The following THSD4 variants were observed in gnomAD, a reference collection of about 807,000 sequenced individuals.
THSD4 encodes thrombospondin type 1 domain containing 4, also known as thrombospondin type-1 domain-containing protein 4.
A neutral mutation model predicts 119.0 loss-of-function variants in THSD4; 69 were observed. The observed-to-expected ratio is 0.58, with a 90% CI of 0.48 to 0.71. The LOEUF (loss-of-function observed/expected upper bound fraction) is 0.71, where lower values mean the gene tolerates loss of function less well. THSD4 is among the 30% of genes least tolerant of loss of function. THSD4 has a pLI of 0.00. For missense variants in THSD4, 1,393 were observed against 1,391.1 expected (o/e 1.00, Z -0.02); for synonymous variants, 524 against 540.4 (o/e 0.97, Z 0.42).
intron 7 of THSD4, among the ~76,000 whole-genome samples, chr15:71,524,321 C>T (rs34660045): frequency 0.13 from 20,122 of 152,186 alleles, 1,431 homozygotes; most frequent in East Asian, 0.25. Context: ...TTTAATAGTC[C>T]GTGCAACTGT....
intron 8 of THSD4, among the ~76,000 whole-genome samples, chr15:71,664,108 G>C (rs1002131463): frequency 6.6e-6 from 1 of 151,424 alleles, no homozygotes; most frequent in Non-Finnish European, 1.5e-5. Flanking sequence ...TCAGCCTCCC[G>C]AGTAGCTGGG....
At chr15:71,341,412 T>C (rs577773342) in intron 6 of THSD4, 3 of 1,612,636 alleles carry the variant, frequency 1.9e-6, no homozygotes, top group Non-Finnish European at 2.5e-6. Context: ...AGTTCAGCAT[T>C]ACTCTCTGCG....
At chr15:71,709,550 CAT>C (rs1177540888) in intron 8 of THSD4, among the ~76,000 whole-genome samples, 2 of 152,172 alleles carry the variant, frequency 1.3e-5, no homozygotes, top group Non-Finnish European at 1.5e-5. Context: ...AGCCGGATAA[CAT>C]GTGGCAGGAG....
intron 2 of THSD4, 151 bp from the exon 3 acceptor site, chr15:71,154,712 C>CA: frequency 1.3e-6 from 1 of 752,206 alleles, no homozygotes; most frequent in Non-Finnish European, 2.3e-6. Context: ...CCTTTGGGGC[C>CA]AACACTTTGT....
chr15:71,133,102 CAGG>C, intron 1 of THSD4, among the ~76,000 whole-genome samples: 1 of 152,298 alleles, frequency 6.6e-6, no homozygotes, highest in Admixed American at 6.5e-5. Context: ...AGCTATGACC[CAGG>C]GATTATAAAC....
chr15:71,590,340 C>G (rs1408803635), intron 7 of THSD4, among the ~76,000 whole-genome samples: 7 of 13,720 alleles, frequency 5.1e-4, no homozygotes, highest in African/African-American at 5.4e-4. Flanking sequence ...TGGACCTGGA[C>G]TAGGTTGATA....
intron 14 of THSD4, among the ~76,000 whole-genome samples, chr15:71,750,058 G>T (rs1055966866): frequency 1.3e-5 from 2 of 152,058 alleles, no homozygotes; most frequent in African/African-American, 4.8e-5. Context: ...GGTTCCCAGG[G>T]TCTCTGAGGC....
At chr15:71,356,759 C>A (rs926602837) in intron 6 of THSD4, among the ~76,000 whole-genome samples, 2 of 152,110 alleles carry the variant, frequency 1.3e-5, no homozygotes, top group African/African-American at 4.8e-5. Context: ...GAAGCCCTGC[C>A]TTAGGTCAGA....
At chr15:71,528,645 C>T (rs2048563567) in intron 7 of THSD4, among the ~76,000 whole-genome samples, 1 of 152,192 alleles carries the variant, frequency 6.6e-6, no homozygotes, top group African/African-American at 2.4e-5. Flanking sequence ...CCCTGCATCC[C>T]ATAATGTAAA....
intron 11 of THSD4, among the ~76,000 whole-genome samples, chr15:71,740,463 C>T (rs2053213029): frequency 6.6e-6 from 1 of 152,124 alleles, no homozygotes. Context: ...GCTGTCACTG[C>T]GTGGTTTTCA....
intron 6 of THSD4, among the ~76,000 whole-genome samples, chr15:71,320,613 A>G (rs1010869070): frequency 3.3e-5 from 5 of 152,238 alleles, no homozygotes; most frequent in African/African-American, 1.2e-4. Flanking sequence ...GTAGCCCAAG[A>G]AAGCCTGTTC....
chr15:71,378,107 C>T (rs879665252), intron 6 of THSD4, among the ~76,000 whole-genome samples: 2 of 152,044 alleles, frequency 1.3e-5, no homozygotes, highest in African/African-American at 4.8e-5. Flanking sequence ...ATAGCATTTA[C>T]GTTGTAGATA....
chr15:71,432,204 A>G (rs909181532), intron 7 of THSD4, among the ~76,000 whole-genome samples: 1 of 152,210 alleles, frequency 6.6e-6, no homozygotes, highest in African/African-American at 2.4e-5. Flanking sequence ...ATTTTAACAT[A>G]CTGAGTATGC....
chr15:71,734,924 C>G lies in THSD4; in HGVS notation c.1631-2808C>G, dbSNP rs548587534. On this transcript the variant is annotated intron_variant, in intron 10 of 17. Coordinates refer to ENST00000261862, the MANE Select transcript of THSD4 (RefSeq NM_024817.3). ...TGCCTAGCCCTTTTCTATGCATACA[C>G]AAACATGTTTCCAGCCATTTGAATC... Among the ~76,000 whole-genome samples the G allele has an allele frequency of 3.3e-5, 5 of 152,044 alleles. No individual in the cohort carries two copies. In the South Asian group the frequency reaches 8.3e-4, roughly 25 times the overall value.
At chr15:71,727,568 A>G (rs1481146105) in intron 8 of THSD4, among the ~76,000 whole-genome samples, 1 of 19,110 alleles carries the variant, frequency 5.2e-5, no homozygotes. Flanking sequence ...ATATATATAT[A>G]TATATATATA....
intron 6 of THSD4, among the ~76,000 whole-genome samples, chr15:71,272,796 G>A (rs142350908): frequency 9.9e-5 from 15 of 152,124 alleles, no homozygotes; most frequent in East Asian, 1.9e-4. Flanking sequence ...CCCGGGAGGC[G>A]GAGGTGGCAG....
chr15:71,239,842 A>T (rs895905969), intron 4 of THSD4, among the ~76,000 whole-genome samples: 5 of 152,226 alleles, frequency 3.3e-5, no homozygotes, highest in Non-Finnish European at 5.9e-5. Context: ...CAGACCCGTC[A>T]GGATTATTAG....
intron 7 of THSD4, among the ~76,000 whole-genome samples, chr15:71,459,160 CTTT>C (rs372209662): frequency 3.6e-4 from 47 of 128,862 alleles, no homozygotes; most frequent in East Asian, 9.1e-4. Flanking sequence ...TTCTTTTTTT[CTTT>C]TTTTTTTTTT....
intron 7 of THSD4, among the ~76,000 whole-genome samples, chr15:71,531,739 G>A (rs1340684363): frequency 6.6e-6 from 1 of 152,214 alleles, no homozygotes; most frequent in African/African-American, 2.4e-5. Flanking sequence ...TTGAAATGCA[G>A]GGAGAGGTAA....
Sources: allele counts gnomAD v4.1 joint callset (sites outside exome capture counted in the v4.1 genomes callset), GRCh38; gene constraint gnomAD v4.1.1; transcripts MANE v1.5; gene names NCBI Gene and HGNC (gene_info 2026-07-23, HGNC 2026-07-21).